The following WDR38 variants were observed in gnomAD, a reference collection of about 807,000 sequenced individuals.
WDR38 encodes WD repeat domain 38, also known as WD repeat-containing protein 38.
WDR38 carries 37 observed loss-of-function variants against 36.6 expected under a neutral mutation model. The ratio of observed to expected loss-of-function variants is 1.01; its 90% CI spans 0.78 to 1.33. The LOEUF (loss-of-function observed/expected upper bound fraction) is 1.33, where lower values mean the gene tolerates loss of function less well. Ranked by LOEUF, WDR38 falls within the 40% of genes most tolerant of loss-of-function variation. The probability of loss-of-function intolerance (pLI) is 0.00; values close to 1 mark genes in which losing one functional copy is unlikely to be tolerated. For synonymous variants in WDR38, 164 were observed against 168.1 expected, an observed-to-expected ratio of 0.98 and a Z score of 0.19; for missense variants, 411 against 414.6, an observed-to-expected ratio of 0.99 and a Z score of 0.07.
chr9:124,857,351 CCT>C lies in WDR38; in HGVS notation c.769-11_769-10del, dbSNP rs1491123000. Reference sequence around the variant, plus strand: ...CTGGTGAGGCTTCCTGACATGCCCCCCTCCTTTTCCAGGTCAAAGTCTGGGAC... The same window carrying C: ...CTGGTGAGGCTTCCTGACATGCCCCCCCTTTTCCAGGTCAAAGTCTGGGAC... On this transcript the variant is annotated splice_polypyrimidine_tract_variant and intron_variant, in intron 7 of 8. Coordinates refer to ENST00000373574, the MANE Select transcript of WDR38 (RefSeq NM_001045476.3). 7.6e-3 allele frequency: 12,307 copies of C among 1,613,636 alleles called. 48 individuals are homozygous for C. Among genetic ancestry groups the C allele is most frequent in the South Asian group, 0.01 (945 of 91,052 alleles).
chr9:124,854,083 G>T, intron 1 of WDR38, 122 bp from the exon 2 acceptor site: 1 of 1,486,260 alleles, frequency 6.7e-7, no homozygotes, highest in Middle Eastern at 1.8e-4. Flanking sequence ...GGGCTCTGGT[G>T]GTGGAGTGAG....
Position 124,857,412 on chromosome 9 carries a change from G to T in WDR38, c.816+1G>T, listed in dbSNP as rs1345695149. 1 of 1,614,060 alleles carries T rather than the reference G, an allele frequency of 6.2e-7. No individual in the cohort carries two copies. Among genetic ancestry groups the T allele is most frequent in the Non-Finnish European group, 8.5e-7 (1 of 1,180,036 alleles). On this transcript the variant is annotated splice_donor_variant, in intron 8 of 8. Transcript: ENST00000373574. LOFTEE classifies it high-confidence loss of function. Reference sequence around the variant, plus strand: ...AGGAAAGTGCCTTGAGACCCTGAAGGTAAGGCACGGCGCTGTGGCACTGAG... The same window carrying T: ...AGGAAAGTGCCTTGAGACCCTGAAGTTAAGGCACGGCGCTGTGGCACTGAG...
In WDR38 at chr9:124,853,695, G is replaced by C. The variant is rs145149036; in HGVS notation, c.69+95G>C. On this transcript the variant is annotated intron_variant, in intron 1 of 8. Transcript: ENST00000373574. Reference sequence around the variant, plus strand: ...GGGGTTCCAGAATGTTCTCTGGGCAGTGGCTCAGGACATTGAGTCCAGAGT... The same window carrying C: ...GGGGTTCCAGAATGTTCTCTGGGCACTGGCTCAGGACATTGAGTCCAGAGT... 622 of 1,003,058 alleles carry C rather than the reference G, an allele frequency of 6.2e-4. 7 individuals carry two copies. In the African/African-American group the frequency reaches 9.3e-3, roughly 15 times the overall value. The allele number at this position is 1,003,058 out of a possible 1,614,324, so 62.1% of individuals were successfully genotyped here.
chr9:124,853,566 G>A lies in WDR38; in HGVS notation c.35G>A (p.Arg12Gln). The change falls in exon 1 of 9, where the codon CGG becomes CAG. Residue 12 changes from arginine to glutamine, a missense_variant. Coordinates refer to ENST00000373574, the MANE Select transcript of WDR38 (RefSeq NM_001045476.3). ...GGGGTCCCGGCCACGCTGGCCGTGCGGAGAGTGAAATTCTTCGGCCAGCAC... is the reference window on the plus strand; with the variant it reads ...GGGGTCCCGGCCACGCTGGCCGTGCAGAGAGTGAAATTCTTCGGCCAGCAC... ...NSGVPATLAV[R>Q]RVKFFGQHGG... 7.9e-7 allele frequency: 1 copy of A among 1,259,900 alleles called. No individual in the cohort carries two copies. Among genetic ancestry groups the A allele is most frequent in the Non-Finnish European group, 1.0e-6 (1 of 994,830 alleles). The allele number at this position is 1,259,900 out of a possible 1,614,324, so 78.0% of individuals were successfully genotyped here.
intron 1 of WDR38, 96 bp downstream of exon 1, chr9:124,853,696 T>G (rs563612951): frequency 3.4e-4 from 337 of 995,448 alleles, no homozygotes; most frequent in Non-Finnish European, 4.3e-4. Flanking sequence ...CTCTGGGCAG[T>G]GGCTCAGGAC....
chr9:124,856,581 A>G lies in WDR38; in HGVS notation c.599A>G (p.Tyr200Cys). Residue 200 changes from tyrosine (Y) to cysteine (C), a missense_variant, in exon 6 of 9, where the codon TAT (tyrosine) becomes TGT (cysteine). Tyr to Cys is a radical substitution (Grantham distance 194). Coordinates refer to ENST00000373574, the MANE Select transcript of WDR38 (RefSeq NM_001045476.3). ...GHSANISCLCYSASGLLASGS... is the reference protein window; with the variant it reads ...GHSANISCLCCSASGLLASGS... ...AGTGCCAACATCAGCTGCCTGTGCT[A>G]TTCAGCATCCGGCCTCCTGGTAAGT... 1.2e-6 allele frequency: 2 copies of G among 1,613,950 alleles called. No homozygotes were observed. Among genetic ancestry groups the G allele is most frequent in the African/African-American group, 1.3e-5 (1 of 75,044 alleles).
In WDR38 at chr9:124,855,759, G is replaced by A. The variant is rs1375829115; in HGVS notation, c.307+9G>A. 1.2e-6 allele frequency: 2 copies of A among 1,613,222 alleles called. No individual in the cohort carries two copies. The highest frequency in any genetic ancestry group is 1.7e-6 in the Non-Finnish European group (2 of 1,180,048). ...TCTGCGGGTCCTGAAGGGTGAGTGA[G>A]CTGGGAGCCAAGCAGCCAGGCCAGC... On this transcript the variant is annotated intron_variant, in intron 3 of 8. Transcript: ENST00000373574.
At chr9:124,856,084 A>G (rs953789819) in intron 4 of WDR38, 126 bp downstream of exon 4, 2 of 1,517,602 alleles carry the variant, frequency 1.3e-6, no homozygotes, top group Non-Finnish European at 1.8e-6. Context: ...ACAGCAGGCA[A>G]CCAAGGCTGC....
At chr9:124,854,589 T>C (rs1050871104) in intron 2 of WDR38, among the ~76,000 whole-genome samples, 7 of 152,222 alleles carry the variant, frequency 4.6e-5, no homozygotes, top group Non-Finnish European at 7.3e-5. Flanking sequence ...CATCCTTTTT[T>C]GTGTGTGACA....
In WDR38 at chr9:124,857,558, GT is replaced by G. The variant is rs1829115869; in HGVS notation, c.874del (p.Ser292LeufsTer?). 1 of 1,614,058 alleles carries G rather than the reference GT, an allele frequency of 6.2e-7. No homozygotes were observed. The highest frequency in any genetic ancestry group is 8.5e-7 in the Non-Finnish European group (1 of 1,180,044). ...TCACCCCAGATGGGAAAATCTTAGT[GT>G]CTGGAGCTGCCGATCAGACTAGACG... The part of the protein sequence containing the change: ...AFTPDGKILV[S>X]GAADQTRRQI... On this transcript the variant is annotated frameshift_variant, in exon 9 of 9. Transcript: ENST00000373574. LOFTEE classifies it low-confidence loss of function (END_TRUNC).
chr9:124,857,227 G>A (rs1489648519), intron 7 of WDR38, 137 bp from the exon 8 acceptor site: 7 of 1,161,934 alleles, frequency 6.0e-6, no homozygotes, highest in African/African-American at 1.5e-5. Flanking sequence ...TTTGGGAGGT[G>A]GAGGTAGGTG....
rs1179151491 is a variant in WDR38 at position 124,853,506 on chromosome 9, C to A, written c.-26C>A. On this transcript the variant is annotated 5_prime_UTR_variant, in exon 1 of 9. Coordinates refer to ENST00000373574, the MANE Select transcript of WDR38 (RefSeq NM_001045476.3). Reference sequence around the variant, plus strand: ...CCGCGGCCGCCTAGGAGGGAGCCCGCCGGGGCGGGGCGGGGCCGGGTGCCC... The same window carrying A: ...CCGCGGCCGCCTAGGAGGGAGCCCGACGGGGCGGGGCGGGGCCGGGTGCCC... 8.1e-7 allele frequency: 1 copy of A among 1,241,528 alleles called. No homozygotes were observed. The highest frequency in any genetic ancestry group is 1.6e-5 in the African/African-American group (1 of 64,448). The allele number at this position is 1,241,528 out of a possible 1,614,324, so 76.9% of individuals were successfully genotyped here.
Position 124,856,594 on chromosome 9 carries a change from C to A in WDR38, c.612C>A (p.Gly204=), listed in dbSNP as rs761702018. The change falls in exon 6 of 9, where the codon GGC becomes GGA. Residue 204 remains glycine, a synonymous_variant. Coordinates refer to ENST00000373574, the MANE Select transcript of WDR38 (RefSeq NM_001045476.3). ...GCTGCCTGTGCTATTCAGCATCCGG[C>A]CTCCTGGTAAGTGGGGTGTCCTGGG... ...NISCLCYSAS[G]LLASGSWDKT... The A allele has an allele frequency of 6.2e-7, 1 of 1,613,818 alleles. No individual in the cohort carries two copies. The highest frequency in any genetic ancestry group is 1.1e-5 in the South Asian group (1 of 91,054).
Position 124,856,534 on chromosome 9 carries a change from C to T in WDR38, c.552C>T (p.Ser184=), listed in dbSNP as rs1232897431. 6.2e-7 allele frequency: 1 copy of T among 1,613,084 alleles called. No individual in the cohort carries two copies. The highest frequency in any genetic ancestry group is 8.5e-7 in the Non-Finnish European group (1 of 1,179,516). ...TGCGGATGGTGACCCCAGCAGTCTC[C>T]CACCAGGCGCTAGAGGGACACAGTG... The part of the protein sequence containing the change: ...WDLRMVTPAV[S]HQALEGHSAN... The change falls in exon 6 of 9, where the codon TCC becomes TCT. Residue 184 remains serine (S), a synonymous_variant. Transcript: ENST00000373574.
intron 2 of WDR38, 41 bp downstream of exon 2, chr9:124,854,366 G>T (rs1588029718): frequency 6.2e-7 from 1 of 1,609,260 alleles, no homozygotes; most frequent in Non-Finnish European, 8.5e-7. Context: ...GAGGCACAAG[G>T]GTCTGGCATG....
In WDR38 at chr9:124,855,738, C is replaced by T. The variant is rs528155278; in HGVS notation, c.295C>T (p.Arg99Trp). 34 of 1,613,226 alleles carry T rather than the reference C, an allele frequency of 2.1e-5. No individual in the cohort carries two copies. Among genetic ancestry groups the T allele is most frequent in the South Asian group, 1.6e-4 (15 of 91,086 alleles). Residue 99 changes from arginine to tryptophan, a missense_variant, in exon 3 of 9, where the codon CGG becomes TGG. By Grantham distance (101) the Arg-to-Trp change is moderately radical. Transcript: ENST00000373574. ...LWDVARAKCL[R>W]VLKGHQRSVE... Reference sequence around the variant, plus strand: ...GGATGTGGCAAGAGCGAAGTGTCTGCGGGTCCTGAAGGGTGAGTGAGCTGG... The same window carrying T: ...GGATGTGGCAAGAGCGAAGTGTCTGTGGGTCCTGAAGGGTGAGTGAGCTGG...
At chr9:124,855,994 C>T (rs1477195498) in intron 4 of WDR38, 36 bp downstream of exon 4, 2 of 1,612,602 alleles carry the variant, frequency 1.2e-6, no homozygotes, top group African/African-American at 2.7e-5. Context: ...GTCTGGGATT[C>T]AAGGACCAGT....
Position 124,856,892 on chromosome 9 carries a change from C to CG in WDR38, c.768+14dup. On this transcript the variant is annotated intron_variant, in intron 7 of 8. Coordinates refer to ENST00000373574, the MANE Select transcript of WDR38 (RefSeq NM_001045476.3). ...GGCTATTCCCGCATGGTAACCACCC[C>CG]GGGCCCATCCTGCTCCTACCTACCC... 3 of 1,613,348 alleles carry CG rather than the reference C, an allele frequency of 1.9e-6. No individual in the cohort carries two copies. The highest frequency in any genetic ancestry group is 2.5e-6 in the Non-Finnish European group (3 of 1,180,018).
intron 7 of WDR38, 58 bp downstream of exon 7, chr9:124,856,939 C>A: frequency 1.9e-6 from 3 of 1,604,640 alleles, no homozygotes; most frequent in Non-Finnish European, 2.5e-6. Context: ...ACCAGGAGCC[C>A]TCAGCACTCA....
Sources: allele counts gnomAD v4.1 joint callset (sites outside exome capture counted in the v4.1 genomes callset), GRCh38; gene constraint gnomAD v4.1.1; transcripts MANE v1.5; gene names NCBI Gene and HGNC (gene_info 2026-07-23, HGNC 2026-07-21).